Variants in WDFY3 observed in about 807,000 individuals in gnomAD.
The protein encoded by WDFY3 is WD repeat and FYVE domain-containing protein 3.
Under a neutral mutation model 409.6 loss-of-function variants are expected in WDFY3, and 66 were observed. The observed-to-expected ratio is 0.16, with a 90% CI of 0.13 to 0.20. The LOEUF (loss-of-function observed/expected upper bound fraction) is 0.20. Among genes scored for constraint, WDFY3 ranks in the 10% least tolerant of loss-of-function variants. WDFY3 has a pLI of 1.00. For synonymous variants in WDFY3, 1,521 were observed against 1,537.1 expected (o/e 0.99, Z 0.25); for missense variants, 3,031 against 4,298.1 (o/e 0.71, Z 8.24).
chr4:84,963,119 CAAAAAAACAAAA>C (rs969834191), intron 1 of WDFY3, among the ~76,000 whole-genome samples: 3 of 141,362 alleles, frequency 2.1e-5, no homozygotes, highest in Non-Finnish European at 4.6e-5. Context: ...AACAAACAAA[CAAAAAAACAAAA>C]AAAAAAAAAC....
chr4:84,774,780 T>C (rs1745265989), intron 29 of WDFY3, 40 bp downstream of exon 29: 1 of 1,562,082 alleles, frequency 6.4e-7, no homozygotes, highest in Non-Finnish European at 8.6e-7. Flanking sequence ...ATTGGTACTT[T>C]TAGTTAATAA....
chr4:84,902,598 G>A (rs973358030), intron 2 of WDFY3, among the ~76,000 whole-genome samples: 2 of 152,024 alleles, frequency 1.3e-5, no homozygotes, highest in Non-Finnish European at 2.9e-5. Context: ...TTTTTAGAAG[G>A]GCAAAATAGA....
chr4:84,802,913 G>A (rs1010125440), intron 16 of WDFY3, among the ~76,000 whole-genome samples: 2 of 152,024 alleles, frequency 1.3e-5, no homozygotes, highest in Non-Finnish European at 2.9e-5. Flanking sequence ...ACTCCAATTC[G>A]CTCAAACTCT....
At chr4:84,900,744 T>C (rs1322919418) in intron 2 of WDFY3, among the ~76,000 whole-genome samples, 3 of 152,196 alleles carry the variant, frequency 2.0e-5, no homozygotes, top group African/African-American at 4.8e-5. Context: ...AATTGTCCTG[T>C]ATCCTCACTG....
At chr4:84,917,084 T>G (rs1768599114) in intron 2 of WDFY3, among the ~76,000 whole-genome samples, 1 of 152,180 alleles carries the variant, frequency 6.6e-6, no homozygotes, top group South Asian at 2.1e-4. Context: ...CTTTTTCGTG[T>G]GTGTGTGCGT....
intron 44 of WDFY3, among the ~76,000 whole-genome samples, chr4:84,732,854 T>C (rs189754936): frequency 3.8e-4 from 58 of 152,230 alleles, no homozygotes; most frequent in African/African-American, 1.3e-3. Flanking sequence ...ACAAGATAAA[T>C]GGAGCCAGGG....
intron 40 of WDFY3, among the ~76,000 whole-genome samples, chr4:84,737,912 A>T (rs1466917656): frequency 2.6e-5 from 4 of 152,138 alleles, no homozygotes; most frequent in Non-Finnish European, 5.9e-5. Flanking sequence ...TTTCTGATTC[A>T]GTAGGTCAGA....
intron 35 of WDFY3, among the ~76,000 whole-genome samples, chr4:84,752,297 T>C (rs1016861390): frequency 6.6e-6 from 1 of 152,120 alleles, no homozygotes; most frequent in Admixed American, 6.5e-5. Context: ...GCAGATCACC[T>C]GAGATCAGGA....
intron 2 of WDFY3, among the ~76,000 whole-genome samples, chr4:84,922,380 GC>G (rs1224848886): frequency 1.3e-5 from 2 of 151,948 alleles, no homozygotes; most frequent in African/African-American, 4.8e-5. Flanking sequence ...TCACACTACG[GC>G]CTCCTCTCCC....
intron 27 of WDFY3, among the ~76,000 whole-genome samples, chr4:84,776,783 T>G (rs1745619470): frequency 6.6e-6 from 1 of 152,102 alleles, no homozygotes; most frequent in South Asian, 2.1e-4. Flanking sequence ...TATTAGAACT[T>G]TGAATACTAG....
intron 12 of WDFY3, among the ~76,000 whole-genome samples, chr4:84,817,790 T>C (rs575882252): frequency 6.6e-6 from 1 of 152,288 alleles, no homozygotes; most frequent in African/African-American, 2.4e-5. Flanking sequence ...TTTCTCTACA[T>C]TTCCTTAATG....
At chr4:84,923,449 T>C (rs1036793110) in intron 2 of WDFY3, among the ~76,000 whole-genome samples, 1 of 152,214 alleles carries the variant, frequency 6.6e-6, no homozygotes, top group Admixed American at 6.5e-5. Context: ...TAAGTGTTTG[T>C]CTCTCACTGC....
At chr4:84,965,655 T>C (rs1775557681) in intron 1 of WDFY3, 1 of 152,146 alleles carries the variant, frequency 6.6e-6, no homozygotes. Context: ...CCTTCCATAA[T>C]CGAAGGGCTT....
chr4:84,924,765 G>A (rs1769752984), intron 2 of WDFY3, among the ~76,000 whole-genome samples: 1 of 152,112 alleles, frequency 6.6e-6, no homozygotes, highest in Non-Finnish European at 1.5e-5. Context: ...CTAGTATGTG[G>A]TATGAACATC....
intron 2 of WDFY3, among the ~76,000 whole-genome samples, chr4:84,915,256 T>C (rs911749976): frequency 3.3e-5 from 5 of 152,198 alleles, no homozygotes; most frequent in African/African-American, 1.2e-4. Context: ...ATAGTGGTGA[T>C]GGTTACCCAA....
rs1388794097 is a variant in WDFY3 at position 84,679,255 on chromosome 4, T to C, written c.9824-13A>G. Reference sequence around the variant, plus strand: ...TGGGCTTCCTGCCCTGGGTGAAGCATTGAGAGAATTGGAACATACGGAACC... The same window carrying C: ...TGGGCTTCCTGCCCTGGGTGAAGCACTGAGAGAATTGGAACATACGGAACC... On this transcript the variant is annotated splice_polypyrimidine_tract_variant and intron_variant, in intron 64 of 67. Coordinates refer to ENST00000295888, the MANE Select transcript of WDFY3 (RefSeq NM_014991.6). The C allele has an allele frequency of 4.7e-6, 7 of 1,484,206 alleles. No individual in the cohort carries two copies. Among genetic ancestry groups the C allele is most frequent in the Non-Finnish European group, 6.3e-6 (7 of 1,113,722 alleles). 91.9% of individuals were successfully genotyped at this position (1,484,206 alleles called of 1,614,324 possible).
At chr4:84,760,419 G>A (rs2149354354) in intron 32 of WDFY3, among the ~76,000 whole-genome samples, 1 of 152,208 alleles carries the variant, frequency 6.6e-6, no homozygotes, top group South Asian at 2.1e-4. Flanking sequence ...ATTCAGCTGT[G>A]AATCCATCTG....
At chr4:84,732,681 T>C (rs746723489) in intron 44 of WDFY3, among the ~76,000 whole-genome samples, 1 of 152,154 alleles carries the variant, frequency 6.6e-6, no homozygotes, top group Non-Finnish European at 1.5e-5. Flanking sequence ...TCCAGGTTCT[T>C]ATACGTTGTT....
intron 48 of WDFY3, 103 bp from the exon 49 acceptor site, chr4:84,717,119 A>T: frequency 8.1e-7 from 1 of 1,228,644 alleles, no homozygotes. Flanking sequence ...AGGATGGAGG[A>T]GTAATATATA....
Sources: gnomAD v4.1 joint callset for allele counts (sites outside exome capture counted in the v4.1 genomes callset) on GRCh38, gnomAD v4.1.1 for gene constraint, MANE v1.5 for transcripts, NCBI Gene and HGNC (gene_info 2026-07-23, HGNC 2026-07-21) for gene names.